The following CBFB variants were observed in gnomAD, a reference collection of about 807,000 sequenced individuals.
CBFB encodes CBF-beta.
CBFB carries 9 observed loss-of-function variants against 30.4 expected under a neutral mutation model. That is an observed-to-expected ratio of 0.30 (90% CI 0.18 to 0.52). The LOEUF (loss-of-function observed/expected upper bound fraction) is 0.52, where lower values mean the gene tolerates loss of function less well. Among genes scored for constraint, CBFB ranks in the 20% least tolerant of loss-of-function variants. The pLI is 0.97. For missense variants in CBFB, 170 were observed against 244.0 expected, an observed-to-expected ratio of 0.70 and a Z score of 2.02; for synonymous variants, 94 against 84.0, an observed-to-expected ratio of 1.12 and a Z score of -0.65.
intron 4 of CBFB, among the ~76,000 whole-genome samples, chr16:67,075,197 A>ATATGTGTGTGTGTGTGTGTGTG (rs369475383): frequency 7.0e-6 from 1 of 142,662 alleles, no homozygotes; most frequent in Admixed American, 7.2e-5. Flanking sequence ...CTCAAAAAAA[A>ATATGTGTGTGTGTGTGTGTGTG]TGTGTGTGTG....
intron 2 of CBFB, among the ~76,000 whole-genome samples, chr16:67,031,123 C>T (rs1051622499): frequency 6.6e-6 from 1 of 152,156 alleles, no homozygotes; most frequent in African/African-American, 2.4e-5. Context: ...CATCACTGAA[C>T]TCAAATTTAT....
intron 3 of CBFB, among the ~76,000 whole-genome samples, chr16:67,044,653 T>C (rs1480101360): frequency 1.3e-5 from 2 of 152,230 alleles, no homozygotes; most frequent in Admixed American, 1.3e-4. Flanking sequence ...TGGCCTTTTC[T>C]AATAAAGGTC....
At chr16:67,032,759 T>G (rs1186271472) in intron 2 of CBFB, among the ~76,000 whole-genome samples, 1 of 152,244 alleles carries the variant, frequency 6.6e-6, no homozygotes, top group Non-Finnish European at 1.5e-5. Flanking sequence ...GAAAAAGGCA[T>G]TATTTTGCCT....
intron 5 of CBFB, among the ~76,000 whole-genome samples, chr16:67,095,857 T>A (rs1036817657): frequency 1.3e-5 from 2 of 151,920 alleles, no homozygotes; most frequent in Non-Finnish European, 2.9e-5. Flanking sequence ...CACACCCAGC[T>A]AATTTTTGTA....
intron 3 of CBFB, among the ~76,000 whole-genome samples, chr16:67,051,941 A>ACG (rs1226038594): frequency 6.8e-6 from 1 of 147,688 alleles, no homozygotes; most frequent in East Asian, 2.0e-4. Flanking sequence ...ACACACACAC[A>ACG]CACGCATACA....
At chr16:67,045,977 T>C (rs551604063) in intron 3 of CBFB, among the ~76,000 whole-genome samples, 51 of 151,660 alleles carry the variant, frequency 3.4e-4, no homozygotes, top group Non-Finnish European at 6.2e-4. Context: ...TGTGTTTTTA[T>C]TGGAGATGGG....
chr16:67,051,363 GAAAAAC>G (rs1296673128), intron 3 of CBFB, among the ~76,000 whole-genome samples: 1 of 151,854 alleles, frequency 6.6e-6, no homozygotes, highest in Non-Finnish European at 1.5e-5. Context: ...AACCTGGTAT[GAAAAAC>G]AAAAATAATG....
chr16:67,051,406 T>A (rs1252151648), intron 3 of CBFB, among the ~76,000 whole-genome samples: 1 of 152,026 alleles, frequency 6.6e-6, no homozygotes, highest in Non-Finnish European at 1.5e-5. Context: ...ATCCAAAATG[T>A]AATATATATA....
intron 3 of CBFB, among the ~76,000 whole-genome samples, chr16:67,047,872 T>A (rs570861031): frequency 7.8e-4 from 118 of 152,100 alleles, no homozygotes; most frequent in East Asian, 3.9e-4. Context: ...AGTTCAAGAC[T>A]AGCGTGGCCA....
At chr16:67,033,625 T>G (rs1302477408) in intron 2 of CBFB, among the ~76,000 whole-genome samples, 1 of 151,472 alleles carries the variant, frequency 6.6e-6, no homozygotes, top group Non-Finnish European at 1.5e-5. Flanking sequence ...TTTTTTTTTT[T>G]TTTTGAGACG....
chr16:67,098,906 G>T lies in CBFB; in HGVS notation c.*128G>T, dbSNP rs1171483282. ...ACTACGGTCTATTTCTCAACCTTAG[G>T]CAGTAATAGACATCACAAACTGCCA... On this transcript the variant is annotated 3_prime_UTR_variant, in exon 6 of 6. Coordinates refer to ENST00000412916, the MANE Select transcript of CBFB (RefSeq NM_022845.3). The T allele has an allele frequency of 3.1e-6, 2 of 644,586 alleles. No individual in the cohort carries two copies. Among genetic ancestry groups the T allele is most frequent in the Admixed American group, 5.3e-5 (2 of 37,414 alleles). 39.9% of individuals were successfully genotyped at this position (644,586 alleles called of 1,614,324 possible). A position where few individuals can be genotyped will look rare whatever the true frequency, so the allele number is the denominator to read the frequency against.
chr16:67,075,532 T>C (rs1199422637), intron 4 of CBFB, among the ~76,000 whole-genome samples: 2 of 151,812 alleles, frequency 1.3e-5, no homozygotes, highest in African/African-American at 4.8e-5. Context: ...GCTGTAAATA[T>C]GCAAGCTGCG....
chr16:67,078,272 G>A (rs1246640082), intron 4 of CBFB, among the ~76,000 whole-genome samples: 2 of 152,330 alleles, frequency 1.3e-5, no homozygotes, highest in African/African-American at 2.4e-5. Context: ...GACAAGCTGG[G>A]CACGGTGGCT....
chr16:67,033,983 C>G (rs752575208), intron 2 of CBFB, among the ~76,000 whole-genome samples: 7 of 152,050 alleles, frequency 4.6e-5, no homozygotes, highest in Non-Finnish European at 1.0e-4. Flanking sequence ...CGCACACCAC[C>G]ACACCCGGCT....
intron 2 of CBFB, among the ~76,000 whole-genome samples, chr16:67,035,498 A>G (rs1415277602): frequency 5.3e-5 from 8 of 152,224 alleles, no homozygotes; most frequent in Admixed American, 5.2e-4. Context: ...GCCATCAGAG[A>G]GGTTTAGAGA....
At chr16:67,064,719 C>T (rs1597143213) in intron 3 of CBFB, among the ~76,000 whole-genome samples, 1 of 152,092 alleles carries the variant, frequency 6.6e-6, no homozygotes, top group East Asian at 1.9e-4. Context: ...ATTTGGTGAT[C>T]AAAAATGATC....
At chr16:67,089,803 G>C (rs973663257) in intron 5 of CBFB, among the ~76,000 whole-genome samples, 1 of 152,096 alleles carries the variant, frequency 6.6e-6, no homozygotes, top group Non-Finnish European at 1.5e-5. Flanking sequence ...CATTGAGAAA[G>C]TTGCTTATTC....
chr16:67,085,685 T>C (rs1245275886), intron 5 of CBFB, among the ~76,000 whole-genome samples: 1 of 147,036 alleles, frequency 6.8e-6, no homozygotes, highest in Non-Finnish European at 1.5e-5. Flanking sequence ...TTTTTTTTTT[T>C]TTTTTTTTTT....
intron 3 of CBFB, among the ~76,000 whole-genome samples, 169 bp downstream of exon 3, chr16:67,036,924 G>C (rs1324635970): frequency 6.6e-6 from 1 of 150,496 alleles, no homozygotes; most frequent in Non-Finnish European, 1.5e-5. Context: ...TTTTAATGGC[G>C]TTTCGCTCTT....
Sources: gnomAD v4.1 joint callset for allele counts (sites outside exome capture counted in the v4.1 genomes callset) on GRCh38, gnomAD v4.1.1 for gene constraint, MANE v1.5 for transcripts, NCBI Gene and HGNC (gene_info 2026-07-23, HGNC 2026-07-21) for gene names.